RIN2: variants seen among roughly 807,000 people sequenced by gnomAD.
The protein encoded by RIN2 is RAB5 interacting protein 2.
Under a neutral mutation model 78.0 loss-of-function variants are expected in RIN2, and 36 were observed. The observed-to-expected ratio is 0.46, with a 90% confidence interval of 0.35 to 0.61. The LOEUF (loss-of-function observed/expected upper bound fraction) is 0.61, where lower values mean the gene tolerates loss of function less well. RIN2 is among the 20% of genes least tolerant of loss of function. The probability of loss-of-function intolerance (pLI) is 0.00; values close to 1 mark genes in which losing one functional copy is unlikely to be tolerated. For synonymous variants in RIN2, 466 were observed against 466.8 expected, an observed-to-expected ratio of 1.00 and a Z score of 0.02; for missense variants, 1,087 against 1,159.7, an observed-to-expected ratio of 0.94 and a Z score of 0.91.
chr20:19,783,557 T>C (rs148558254), intron 1 of RIN2, among the ~76,000 whole-genome samples: 28 of 151,690 alleles, frequency 1.8e-4, no homozygotes, highest in African/African-American at 6.5e-4. Flanking sequence ...GCTGGGGAGC[T>C]GTCTGGATCT....
At chr20:19,829,094 A>G (rs577538618) in intron 2 of RIN2, among the ~76,000 whole-genome samples, 1 of 152,316 alleles carries the variant, frequency 6.6e-6, no homozygotes, top group South Asian at 2.1e-4. Context: ...TAGTAGGCTC[A>G]TGAATGCTAA....
intron 2 of RIN2, among the ~76,000 whole-genome samples, chr20:19,853,476 T>C (rs1222807609): frequency 6.6e-6 from 1 of 152,200 alleles, no homozygotes; most frequent in African/African-American, 2.4e-5. Flanking sequence ...CCACAATGGT[T>C]GAACTAGTTT....
chr20:19,959,574 A>AC (rs1321376954), intron 5 of RIN2, among the ~76,000 whole-genome samples: 1 of 151,832 alleles, frequency 6.6e-6, no homozygotes, highest in Non-Finnish European at 1.5e-5. Flanking sequence ...CCATCTTCCC[A>AC]CCCCCCAAAT....
chr20:19,784,447 A>G (rs2034609304), intron 1 of RIN2, among the ~76,000 whole-genome samples: 1 of 152,160 alleles, frequency 6.6e-6, no homozygotes, highest in Non-Finnish European at 1.5e-5. Flanking sequence ...ATTTGGGTAA[A>G]TGGATGTTTT....
intron 1 of RIN2, among the ~76,000 whole-genome samples, chr20:19,759,685 TG>T (rs1333450404): frequency 6.6e-6 from 1 of 152,024 alleles, no homozygotes; most frequent in African/African-American, 2.4e-5. Flanking sequence ...GCCAACAGGG[TG>T]AAACCCCATC....
chr20:19,819,895 C>T (rs75879647), intron 2 of RIN2, among the ~76,000 whole-genome samples: 6,924 of 152,194 alleles, frequency 0.045, 229 homozygotes, highest in Middle Eastern at 0.14. Context: ...TGATCAGAGA[C>T]GACATCTAAT....
At chr20:19,784,744 C>A (rs2034617982) in intron 1 of RIN2, among the ~76,000 whole-genome samples, 1 of 152,018 alleles carries the variant, frequency 6.6e-6, no homozygotes, top group South Asian at 2.1e-4. Context: ...CCACAGAGGA[C>A]AAGTGGAGAA....
chr20:19,823,614 G>A, intron 2 of RIN2: 7 of 1,543,418 alleles, frequency 4.5e-6, no homozygotes, highest in Non-Finnish European at 6.2e-6. Flanking sequence ...GAGCAATGTT[G>A]ACGATCTCAT....
rs753090337 is a variant in RIN2 at position 19,974,907 on chromosome 20, G to C, written c.882G>C (p.Arg294Ser). 1.2e-6 allele frequency: 2 copies of C among 1,613,854 alleles called. No homozygotes were observed. The highest frequency in any genetic ancestry group is 1.7e-6 in the Non-Finnish European group (2 of 1,179,798). Residue 294 changes from arginine to serine, a missense_variant, in exon 9 of 13, where the codon AGG becomes AGC. Arg to Ser is a moderately radical substitution (Grantham distance 110). This residue lies in a region of RIN2 where 706 missense variants were observed against 667.5 expected (regional missense o/e 1.06). Coordinates refer to ENST00000255006, the MANE Select transcript of RIN2 (RefSeq NM_018993.4). ...LSGGLKRPSTRTPNANGTERT... is the reference protein window; with the variant it reads ...LSGGLKRPSTSTPNANGTERT... ...GAGGCCTGAAACGGCCGAGCACAAG[G>C]ACTCCCAACGCGAATGGCACGGAGC...
In RIN2 at chr20:19,986,224, G is replaced by A. The variant is rs117266742; in HGVS notation, c.1763-3782G>A. 3.1e-3 allele frequency among the ~76,000 whole-genome samples: 464 copies of A among 152,128 alleles called. 2 individuals carry two copies. Among genetic ancestry groups the A allele is most frequent in the South Asian group, 0.02 (98 of 4,800 alleles). On this transcript the variant is annotated intron_variant, in intron 9 of 12. Transcript: ENST00000255006. ...ATCCTTTTTCCTTCTCGCTTTATGA[G>A]CAGAAGCTTGCTTTTCCTATTGGAG...
intron 2 of RIN2, among the ~76,000 whole-genome samples, chr20:19,882,202 C>T (rs533786249): frequency 2.6e-5 from 4 of 152,240 alleles, no homozygotes; most frequent in South Asian, 2.1e-4. Context: ...TTACAAAATT[C>T]GGACATTCCA....
At chr20:19,914,441 C>T (rs1278926712) in intron 3 of RIN2, among the ~76,000 whole-genome samples, 1 of 152,160 alleles carries the variant, frequency 6.6e-6, no homozygotes, top group East Asian at 1.9e-4. Flanking sequence ...TACTTTCCCA[C>T]CATCAGAAGG....
At chr20:19,777,549 G>T (rs891501730) in intron 1 of RIN2, among the ~76,000 whole-genome samples, 4 of 152,236 alleles carry the variant, frequency 2.6e-5, no homozygotes, top group African/African-American at 9.6e-5. Flanking sequence ...GTCGCCTCAT[G>T]GTTCCAGGAA....
intron 1 of RIN2, among the ~76,000 whole-genome samples, chr20:19,763,792 A>G (rs1275068983): frequency 6.6e-5 from 10 of 152,204 alleles, no homozygotes; most frequent in Non-Finnish European, 4.4e-5. Context: ...AGTTTGATGT[A>G]GGAATGGTTA....
intron 2 of RIN2, among the ~76,000 whole-genome samples, chr20:19,818,014 T>A (rs1341015763): frequency 6.6e-6 from 1 of 152,214 alleles, no homozygotes; most frequent in East Asian, 1.9e-4. Flanking sequence ...TGTTGTAGAG[T>A]GCACTTACAC....
At chr20:19,993,492 C>T (rs1230309166) in intron 11 of RIN2, among the ~76,000 whole-genome samples, 1 of 151,992 alleles carries the variant, frequency 6.6e-6, no homozygotes, top group Non-Finnish European at 1.5e-5. Context: ...CCTTGGAGCC[C>T]GATTATGCCC....
intron 12 of RIN2, among the ~76,000 whole-genome samples, 160 bp from the exon 13 acceptor site, chr20:20,000,453 C>T (rs2043108570): frequency 6.6e-6 from 1 of 152,184 alleles, no homozygotes; most frequent in Non-Finnish European, 1.5e-5. Context: ...GTCAGATCAG[C>T]CTCTTTCCTT....
rs6136875 is a variant in RIN2 at position 19,890,405 on chromosome 20, C to A, written c.57+747C>A. On this transcript the variant is annotated intron_variant, in intron 3 of 12. Transcript: ENST00000255006. The stretch of plus-strand genomic sequence containing the variant: ...TCATTCACCCTCGAATTAAGGCATC[C>A]TCAGTATAGAAAATTTTGAAAATAC... Among the ~76,000 whole-genome samples, 9 of 152,010 alleles carry A rather than the reference C, an allele frequency of 5.9e-5. 1 individual carries two copies. Among genetic ancestry groups the A allele is most frequent in the African/African-American group, 2.2e-4 (9 of 41,448 alleles).
At chr20:19,982,170 A>T (rs2042475211) in intron 9 of RIN2, among the ~76,000 whole-genome samples, 1 of 152,194 alleles carries the variant, frequency 6.6e-6, no homozygotes, top group South Asian at 2.1e-4. Flanking sequence ...CAGCGTGCTT[A>T]CGAGGTGTCA....
Sources: allele counts gnomAD v4.1 joint callset (sites outside exome capture counted in the v4.1 genomes callset), GRCh38; gene constraint gnomAD v4.1.1; regional missense constraint gnomAD v4.1.1; transcripts MANE v1.5; gene names NCBI Gene and HGNC (gene_info 2026-07-23, HGNC 2026-07-21).